The following IGSF10 variants were observed in gnomAD, a reference collection of about 807,000 sequenced individuals.
The protein encoded by IGSF10 is calvaria mechanical force protein 608.
IGSF10 carries 126 observed loss-of-function variants against 128.2 expected under a neutral mutation model. That is an observed-to-expected ratio of 0.98 (90% CI 0.85 to 1.14). The LOEUF is 1.14. Ranked by LOEUF, IGSF10 falls within the 50% of genes most tolerant of loss-of-function variation. The pLI is 0.00. For missense variants in IGSF10, 3,295 were observed against 3,149.8 expected (o/e 1.05, Z -1.10); for synonymous variants, 1,185 against 1,146.2 (o/e 1.03, Z -0.68).
chr3:151,526,323 G>A, the IGSF10 span, among the ~76,000 whole-genome samples: 1 of 151,158 alleles, frequency 6.6e-6, no homozygotes, highest in Non-Finnish European at 1.5e-5. Flanking sequence ...CATTTTTCTT[G>A]ATTGTTTTTT....
At chr3:151,484,200 A>G in the IGSF10 span, among the ~76,000 whole-genome samples, 6 of 152,332 alleles carry the variant, frequency 3.9e-5, no homozygotes, top group East Asian at 7.7e-4. Flanking sequence ...TGAACTGGGC[A>G]GAGCCCACTG....
chr3:151,584,289 A>G, the IGSF10 span, among the ~76,000 whole-genome samples: 2 of 152,210 alleles, frequency 1.3e-5, no homozygotes, highest in South Asian at 2.1e-4. Flanking sequence ...TGGCATTTGC[A>G]TAGTACATCT....
the IGSF10 span, among the ~76,000 whole-genome samples, chr3:151,570,234 C>T: frequency 6.6e-6 from 1 of 152,138 alleles, no homozygotes; most frequent in Non-Finnish European, 1.5e-5. Flanking sequence ...ATTTATAATC[C>T]TTTGGGTATA....
At chr3:151,515,722 CGT>C in the IGSF10 span, among the ~76,000 whole-genome samples, 251 of 147,122 alleles carry the variant, frequency 1.7e-3, 1 homozygote, top group Admixed American at 3.5e-3. Flanking sequence ...AATTATATTA[CGT>C]GTGTGTGTGT....
the IGSF10 span, among the ~76,000 whole-genome samples, chr3:151,536,806 A>G: frequency 2.6e-5 from 4 of 152,300 alleles, no homozygotes; most frequent in Non-Finnish European, 4.4e-5. Context: ...TTAATTCTGT[A>G]ATACATCACA....
chr3:151,534,950 A>T, the IGSF10 span, among the ~76,000 whole-genome samples: 2 of 151,992 alleles, frequency 1.3e-5, no homozygotes, highest in African/African-American at 2.4e-5. Context: ...GCATACACGA[A>T]CTTTGGAGTC....
the IGSF10 span, among the ~76,000 whole-genome samples, chr3:151,537,044 C>G: frequency 1.7e-4 from 26 of 152,106 alleles, no homozygotes; most frequent in African/African-American, 4.8e-5. Flanking sequence ...TTTATTCTTT[C>G]CAATAACAAT....
At position 151,437,399 on chromosome 3, in the gene IGSF10, A is replaced by AT. The variant is rs1263893420; in HGVS notation, c.7161_7162insA (p.Tyr2388IlefsTer13). On this transcript the variant is annotated frameshift_variant, in exon 8 of 8. Transcript: ENST00000282466. LOFTEE classifies it low-confidence loss of function (END_TRUNC). ...AAAGAACCATTGCTTGCTATCAGAT[A>AT]CTGATAACTTTGTGGTCCATTGGAA... 6.2e-7 allele frequency: 1 copy of AT among 1,613,864 alleles called. No individual in the cohort carries two copies. Among genetic ancestry groups the AT allele is most frequent in the South Asian group, 1.1e-5 (1 of 91,076 alleles).
At chr3:151,586,127 A>C in the IGSF10 span, among the ~76,000 whole-genome samples, 1 of 151,774 alleles carries the variant, frequency 6.6e-6, no homozygotes, top group Non-Finnish European at 1.5e-5. Flanking sequence ...CGCCAGGCTA[A>C]TGTTTGTATT....
chr3:151,471,841 T>C, the IGSF10 span, among the ~76,000 whole-genome samples: 2 of 152,240 alleles, frequency 1.3e-5, no homozygotes, highest in Non-Finnish European at 2.9e-5. Context: ...TGTTAAGATA[T>C]GCAATCTGAA....
At chr3:151,533,100 T>C in the IGSF10 span, among the ~76,000 whole-genome samples, 6 of 152,194 alleles carry the variant, frequency 3.9e-5, no homozygotes, top group East Asian at 1.2e-3. Flanking sequence ...GGAATAAAAC[T>C]TACAAGGGAT....
At chr3:151,609,543 C>G in the IGSF10 span, among the ~76,000 whole-genome samples, 1 of 151,926 alleles carries the variant, frequency 6.6e-6, no homozygotes, top group African/African-American at 2.4e-5. Context: ...AACACATGCA[C>G]TCATATGCTC....
the IGSF10 span, among the ~76,000 whole-genome samples, chr3:151,558,008 A>ATATATATAT: frequency 2.6e-5 from 1 of 37,838 alleles, no homozygotes; most frequent in African/African-American, 1.5e-4. Context: ...TATATATAAT[A>ATATATATAT]TATATATATA....
chr3:151,534,167 G>GAGA, the IGSF10 span, among the ~76,000 whole-genome samples: 81 of 152,034 alleles, frequency 5.3e-4, no homozygotes, highest in African/African-American at 1.8e-3. Context: ...ACAGATGCTG[G>GAGA]AGAAGTGGAG....
In IGSF10 at chr3:151,445,923, T is replaced by C; in HGVS notation, c.4058A>G (p.Lys1353Arg). 6.2e-7 allele frequency: 1 copy of C among 1,614,218 alleles called. No homozygotes were observed. Among genetic ancestry groups the C allele is most frequent in the Non-Finnish European group, 8.5e-7 (1 of 1,180,042 alleles). ...AGAGATGTTTGGGTCAGTCCTGTTC[T>C]TCTTTTGAGGCTCCTGTTCTCTTTG... ...TIQREQEPQK[K>R]NRTDPNISPD... Residue 1353 changes from lysine (K) to arginine (R), a missense_variant, in exon 6 of 8, where the codon AAG becomes AGG. Lys to Arg is a conservative substitution (Grantham distance 26). Transcript: ENST00000282466.
chr3:151,435,796 G>C (rs1354992497), downstream of IGSF10: 2 of 151,852 alleles, frequency 1.3e-5, no homozygotes, highest in South Asian at 2.1e-4. Context: ...GTGTAGGATT[G>C]ATCAGATTTT....
At chr3:151,573,135 T>A in the IGSF10 span, among the ~76,000 whole-genome samples, 1 of 152,144 alleles carries the variant, frequency 6.6e-6, no homozygotes, top group East Asian at 1.9e-4. Context: ...TGCTGAGGAG[T>A]GCCTTACTTC....
downstream of IGSF10, chr3:151,433,311 G>T (rs1719740102): frequency 6.5e-6 from 1 of 152,758 alleles, no homozygotes; most frequent in Admixed American, 6.5e-5. Flanking sequence ...ACATTTATTT[G>T]CATCGCTCTA....
the IGSF10 span, among the ~76,000 whole-genome samples, chr3:151,567,934 T>A: frequency 6.6e-6 from 1 of 152,168 alleles, no homozygotes; most frequent in Admixed American, 6.6e-5. Flanking sequence ...TGCAAACACC[T>A]TCTTCCTTCA....
Sources: allele counts gnomAD v4.1 joint callset (sites outside exome capture counted in the v4.1 genomes callset), GRCh38; gene constraint gnomAD v4.1.1; transcripts MANE v1.5; gene names NCBI Gene and HGNC (gene_info 2026-07-23, HGNC 2026-07-21).